The following OTUD7A variants were observed in gnomAD, a reference collection of about 807,000 sequenced individuals.
OTUD7A encodes the protein OTU domain-containing protein 7A.
Under a neutral mutation model 65.7 loss-of-function variants are expected in OTUD7A, and 12 were observed. The observed-to-expected ratio is 0.18, with a 90% CI of 0.12 to 0.30. The LOEUF is 0.30. OTUD7A is among the 10% of genes least tolerant of loss of function. OTUD7A has a pLI of 1.00. For missense variants in OTUD7A, 1,148 were observed against 1,304.8 expected (o/e 0.88, Z 1.85); for synonymous variants, 641 against 586.3 (o/e 1.09, Z -1.35).
chr15:31,678,647 G>A (rs1220808964), intron 1 of OTUD7A, among the ~76,000 whole-genome samples: 3 of 152,234 alleles, frequency 2.0e-5, no homozygotes, highest in Non-Finnish European at 4.4e-5. Flanking sequence ...TTGGCCTGCA[G>A]CTGCACAGAA....
At chr15:31,772,840 G>A (rs543916156) in intron 1 of OTUD7A, among the ~76,000 whole-genome samples, 2 of 152,246 alleles carry the variant, frequency 1.3e-5, no homozygotes, top group African/African-American at 4.8e-5. Context: ...TCTAACTGTG[G>A]TTAATATGCA....
At position 31,743,819 on chromosome 15, in the gene OTUD7A, G is replaced by A. The variant is rs760139378; in HGVS notation, c.-99-86742C>T. Among the ~76,000 whole-genome samples the A allele has an allele frequency of 3.9e-5, 6 of 151,998 alleles. No individual in the cohort carries two copies. The East Asian group carries it at 5.8e-4, about 15-fold the overall frequency. On this transcript the variant is annotated intron_variant, in intron 1 of 12. Transcript: ENST00000307050. ...GATTCATTGAAAGATTCATAAGACCGGTAAACAAACACCTAGCAAGACTGA... is the reference window on the plus strand; with the variant it reads ...GATTCATTGAAAGATTCATAAGACCAGTAAACAAACACCTAGCAAGACTGA...
chr15:31,627,015 C>A (rs1246177609), intron 3 of OTUD7A, among the ~76,000 whole-genome samples: 1 of 150,972 alleles, frequency 6.6e-6, no homozygotes, highest in Non-Finnish European at 1.5e-5. Context: ...AATGGGGGGT[C>A]TCTCCTCCAC....
At chr15:31,577,316 A>T (rs12909737) in intron 3 of OTUD7A, among the ~76,000 whole-genome samples, 49,571 of 151,966 alleles carry the variant, frequency 0.33, 10,536 homozygotes, top group African/African-American at 0.61. Flanking sequence ...TTCCTCTACA[A>T]AACAAGAGCC....
chr15:31,754,046 G>T (rs937554002), intron 1 of OTUD7A, among the ~76,000 whole-genome samples: 1 of 151,656 alleles, frequency 6.6e-6, no homozygotes, highest in African/African-American at 2.4e-5. Context: ...TGATTTTTTT[G>T]ATTATGGCCA....
chr15:31,772,238 C>T (rs1438510023), intron 1 of OTUD7A, among the ~76,000 whole-genome samples: 2 of 130,048 alleles, frequency 1.5e-5, no homozygotes, highest in African/African-American at 3.0e-5. Context: ...GGCGACAGAG[C>T]GAGACTCCGT....
intron 1 of OTUD7A, among the ~76,000 whole-genome samples, chr15:31,805,309 G>C (rs1480333983): frequency 2.0e-5 from 3 of 152,240 alleles, no homozygotes; most frequent in African/African-American, 7.2e-5. Context: ...TGGACAATTT[G>C]GCAATGGCCT....
In OTUD7A at chr15:31,484,215, C is replaced by G. The variant is rs371889770; in HGVS notation, c.1881G>C (p.Leu627=). 33 of 1,608,134 alleles carry G rather than the reference C, an allele frequency of 2.1e-5. No individual in the cohort carries two copies. The African/African-American group carries it at 4.3e-4, about 21-fold the overall frequency. Residue 627 remains leucine (L), a synonymous_variant, in exon 13 of 13, where the codon CTG becomes CTC. Transcript: ENST00000307050. This position sits in a 1 kb window ranked among gnomAD's most constrained non-coding sequence, Gnocchi z 4.5. The part of the protein sequence containing the change: ...DAWKYSTDVK[L]SLNILRAAMQ... Reference sequence around the variant, plus strand: ...TGGCGGCGCGCAGGATGTTGAGGCTCAGCTTCACATCCGTGCTGTACTTCC... The same window carrying G: ...TGGCGGCGCGCAGGATGTTGAGGCTGAGCTTCACATCCGTGCTGTACTTCC...
chr15:31,484,814 C>A lies in OTUD7A; in HGVS notation c.1372-90G>T. Reference sequence around the variant, plus strand: ...AAGACACACCTTGCCCCTGTGTTGCCGAGGCTAGGGCCCTGGACCTTCACT... The same window carrying A: ...AAGACACACCTTGCCCCTGTGTTGCAGAGGCTAGGGCCCTGGACCTTCACT... On this transcript the variant is annotated intron_variant, in intron 12 of 12. Coordinates refer to ENST00000307050, the MANE Select transcript of OTUD7A (RefSeq NM_001382637.1). The surrounding 1 kb of genome is among the most constrained non-coding windows in gnomAD (Gnocchi z 4.5). 1 of 1,501,996 alleles carries A rather than the reference C, an allele frequency of 6.7e-7. No individual in the cohort carries two copies. Among genetic ancestry groups the A allele is most frequent in the South Asian group, 1.3e-5 (1 of 76,888 alleles). The allele number at this position is 1,501,996 out of a possible 1,614,324, so 93.0% of individuals were successfully genotyped here.
Position 31,747,222 on chromosome 15 carries a change from G to A in OTUD7A, c.-99-90145C>T, listed in dbSNP as rs551048118. Reference sequence around the variant, plus strand: ...AGGGTTGTGCAGATCGGGGCTGAAAGTATCAATATAAGTTCTCATTTTTGA... The same window carrying A: ...AGGGTTGTGCAGATCGGGGCTGAAAATATCAATATAAGTTCTCATTTTTGA... On this transcript the variant is annotated intron_variant, in intron 1 of 12. Coordinates refer to ENST00000307050, the MANE Select transcript of OTUD7A (RefSeq NM_001382637.1). Among the ~76,000 whole-genome samples the A allele has an allele frequency of 8.3e-4, 126 of 152,176 alleles. 1 individual carries two copies. The highest frequency in any genetic ancestry group is 2.9e-3 in the African/African-American group (119 of 41,468).
At chr15:31,846,926 C>A (rs1244831355) in intron 1 of OTUD7A, among the ~76,000 whole-genome samples, 1 of 152,188 alleles carries the variant, frequency 6.6e-6, no homozygotes, top group Non-Finnish European at 1.5e-5. Context: ...GACACAATGC[C>A]AAGGGCAGCA....
intron 1 of OTUD7A, among the ~76,000 whole-genome samples, chr15:31,823,176 G>A (rs942290095): frequency 1.3e-5 from 2 of 152,286 alleles, no homozygotes; most frequent in East Asian, 1.9e-4. Flanking sequence ...ACACAAAGCC[G>A]GTGCTGTGGA....
At chr15:31,665,008 T>C (rs530311517) in intron 1 of OTUD7A, among the ~76,000 whole-genome samples, 10 of 152,356 alleles carry the variant, frequency 6.6e-5, no homozygotes, top group Non-Finnish European at 1.3e-4. Flanking sequence ...TTGTTTTCCA[T>C]TGCTCTATGT....
chr15:31,826,723 A>C (rs907743305), intron 1 of OTUD7A, among the ~76,000 whole-genome samples: 2 of 152,180 alleles, frequency 1.3e-5, no homozygotes, highest in Non-Finnish European at 2.9e-5. Context: ...TTTAAAACTG[A>C]ATGCTTTTAA....
intron 5 of OTUD7A, chr15:31,557,022 G>A (rs565833382): frequency 2.6e-5 from 4 of 151,022 alleles, no homozygotes; most frequent in African/African-American, 7.4e-5. Context: ...TGATGGCTGC[G>A]AAGCAGCTGA....
chr15:31,736,834 G>A (rs1308992412), intron 1 of OTUD7A, among the ~76,000 whole-genome samples: 1 of 151,514 alleles, frequency 6.6e-6, no homozygotes, highest in Non-Finnish European at 1.5e-5. Context: ...TTTTTTGGGG[G>A]GGCGGGGGGA....
chr15:31,752,736 T>C (rs1009545764), intron 1 of OTUD7A, among the ~76,000 whole-genome samples: 2 of 152,170 alleles, frequency 1.3e-5, no homozygotes, highest in African/African-American at 4.8e-5. Context: ...AGAATATGAA[T>C]GTTGACTGGA....
chr15:31,648,643 C>A (rs1364306560), intron 3 of OTUD7A, among the ~76,000 whole-genome samples: 1 of 152,192 alleles, frequency 6.6e-6, no homozygotes, highest in African/African-American at 2.4e-5. Context: ...TACCTATGAC[C>A]TATGCCCTCC....
At chr15:31,485,313 C>T (rs1233297146) in intron 12 of OTUD7A, among the ~76,000 whole-genome samples, 2 of 152,228 alleles carry the variant, frequency 1.3e-5, no homozygotes, top group Non-Finnish European at 1.5e-5. Context: ...CCTCATTCAT[C>T]GGATCTTGGA....
Sources: allele counts gnomAD v4.1 joint callset (sites outside exome capture counted in the v4.1 genomes callset), GRCh38; gene constraint gnomAD v4.1.1; non-coding constraint Gnocchi (gnomAD v3.1); transcripts MANE v1.5; gene names NCBI Gene and HGNC (gene_info 2026-07-23, HGNC 2026-07-21).